DCC: variants seen among roughly 807,000 people sequenced by gnomAD.
DCC encodes the protein DCC netrin 1 receptor.
DCC carries 58 observed loss-of-function variants against 172.5 expected under a neutral mutation model. The ratio of observed to expected loss-of-function variants is 0.34; its 90% CI spans 0.27 to 0.42. DCC has a LOEUF of 0.42. Ranked by LOEUF, DCC falls within the 10% of genes least tolerant of loss-of-function variation. The probability of loss-of-function intolerance (pLI) is 1.00; values close to 1 mark genes in which losing one functional copy is unlikely to be tolerated. For missense variants in DCC, 1,740 were observed against 1,791.0 expected (o/e 0.97, Z 0.51); for synonymous variants, 709 against 644.5 (o/e 1.10, Z -1.52).
chr18:53,002,464 C>A (rs1056347966), intron 5 of DCC, among the ~76,000 whole-genome samples: 2 of 152,024 alleles, frequency 1.3e-5, no homozygotes, highest in African/African-American at 4.8e-5. Context: ...GCTGCACCAC[C>A]TTTTTCTTAT....
At chr18:53,079,513 C>T (rs961583433) in intron 7 of DCC, among the ~76,000 whole-genome samples, 1 of 152,140 alleles carries the variant, frequency 6.6e-6, no homozygotes, top group African/African-American at 2.4e-5. Flanking sequence ...GCACATGAAA[C>T]ATCCTAGAAA....
At chr18:52,901,487 A>G (rs2145438922) in intron 2 of DCC, among the ~76,000 whole-genome samples, 1 of 152,264 alleles carries the variant, frequency 6.6e-6, no homozygotes, top group East Asian at 1.9e-4. Flanking sequence ...AAACATTTGA[A>G]AGAGTTTGGT....
chr18:52,586,715 G>A (rs1284974854), intron 1 of DCC, among the ~76,000 whole-genome samples: 3 of 152,110 alleles, frequency 2.0e-5, no homozygotes, highest in Non-Finnish European at 4.4e-5. Context: ...TCTGGCTATG[G>A]GAGAAACAGG....
intron 7 of DCC, among the ~76,000 whole-genome samples, chr18:53,072,909 A>G (rs1460768138): frequency 6.6e-6 from 1 of 152,166 alleles, no homozygotes; most frequent in Non-Finnish European, 1.5e-5. Flanking sequence ...CCAAGCCTTA[A>G]TATTATATCC....
At chr18:53,288,077 T>TATA (rs2056957305) in intron 12 of DCC, among the ~76,000 whole-genome samples, 1 of 152,108 alleles carries the variant, frequency 6.6e-6, no homozygotes, top group South Asian at 2.1e-4. Context: ...TATTGCCTGA[T>TATA]TTTAAGGTAT....
rs140055590 is a variant in DCC at position 52,522,590 on chromosome 18, C to T, written c.91+181712C>T. Among the ~76,000 whole-genome samples, 52 of 152,112 alleles carry T rather than the reference C, an allele frequency of 3.4e-4. 1 individual carries two copies. In the East Asian group the frequency reaches 8.9e-3, roughly 26 times the overall value. ...TCAAAAGTATCCTATTTTTATTTGC[C>T]GAATTGGCAACCTTTCTCTAAGCCT... On this transcript the variant is annotated intron_variant, in intron 1 of 28. Transcript: ENST00000442544.
intron 5 of DCC, among the ~76,000 whole-genome samples, chr18:52,970,408 T>C (rs72926192): frequency 0.021 from 3,249 of 152,234 alleles, 59 homozygotes; most frequent in Admixed American, 0.039. Flanking sequence ...TCAGATGATA[T>C]GTATTTTTCA....
chr18:53,517,954 G>A (rs1335557090), intron 27 of DCC, among the ~76,000 whole-genome samples: 1 of 152,144 alleles, frequency 6.6e-6, no homozygotes, highest in Admixed American at 6.5e-5. Context: ...TGTTGAAGAT[G>A]AAAGGGTAGA....
At chr18:52,656,423 C>T (rs2035256360) in intron 1 of DCC, among the ~76,000 whole-genome samples, 1 of 152,130 alleles carries the variant, frequency 6.6e-6, no homozygotes, top group Non-Finnish European at 1.5e-5. Context: ...TTGGACTTCC[C>T]AGCTTCCAAA....
intron 3 of DCC, among the ~76,000 whole-genome samples, chr18:52,916,472 T>A (rs565648238): frequency 4.6e-5 from 7 of 152,282 alleles, no homozygotes; most frequent in Admixed American, 4.6e-4. Flanking sequence ...GTGGTGAGAG[T>A]AGCAAATGAG....
Position 53,526,947 on chromosome 18 carries a change from AATT to A in DCC, c.4254+191_4254+193del, listed in dbSNP as rs1248860270. 1.6e-5 allele frequency: 10 copies of A among 630,940 alleles called. No individual in the cohort carries two copies. In the African/African-American group the frequency reaches 1.6e-4, roughly 10 times the overall value. The allele number at this position is 630,940 out of a possible 1,614,324, so 39.1% of individuals were successfully genotyped here. On this transcript the variant is annotated intron_variant, in intron 28 of 28. Coordinates refer to ENST00000442544, the MANE Select transcript of DCC (RefSeq NM_005215.4). ...AGAGGAAATAAAAGCTATGAAAAAA[AATT>A]ATGTCAGAGACTTAGTTATGTAAAA... is the stretch of plus-strand genomic sequence containing the variant.
At chr18:53,454,677 G>A (rs2045461935) in intron 23 of DCC, among the ~76,000 whole-genome samples, 1 of 152,182 alleles carries the variant, frequency 6.6e-6, no homozygotes, top group Admixed American at 6.5e-5. Flanking sequence ...TGGACAGCAA[G>A]TTTTAAAGAT....
rs374129823 is a variant in DCC at position 52,783,323 on chromosome 18, C to CTTTTTTTTT, written c.412+30979_412+30987dup. Reference sequence around the variant, plus strand: ...ACTAAAAATAATTTATACTACTACTCTTTTTTTTTTTTTTTTTTTTTTTTT... The same window carrying CTTTTTTTTT: ...ACTAAAAATAATTTATACTACTACTCTTTTTTTTTTTTTTTTTTTTTTTTTTTTTTTTTT... On this transcript the variant is annotated intron_variant, in intron 2 of 28. Transcript: ENST00000442544. 4.9e-3 allele frequency among the ~76,000 whole-genome samples: 292 copies of CTTTTTTTTT among 59,244 alleles called. 62 individuals are homozygous for CTTTTTTTTT. The highest frequency in any genetic ancestry group is 7.7e-3 in the Admixed American group (32 of 4,180). 38.9% of individuals were successfully genotyped at this position (59,244 alleles called of 152,430 possible).
chr18:53,428,039 A>G (rs1453990773), intron 21 of DCC, among the ~76,000 whole-genome samples: 10 of 64,882 alleles, frequency 1.5e-4, no homozygotes, highest in African/African-American at 5.4e-4. Flanking sequence ...TATATCATAT[A>G]ATAATATATT....
chr18:52,743,721 C>T (rs1454931789), intron 1 of DCC, among the ~76,000 whole-genome samples: 5 of 152,310 alleles, frequency 3.3e-5, no homozygotes, highest in East Asian at 3.9e-4. Flanking sequence ...CTCGGAATGT[C>T]GGATGTGGAG....
chr18:53,153,011 G>T (rs1474497025), intron 7 of DCC, among the ~76,000 whole-genome samples: 1 of 152,210 alleles, frequency 6.6e-6, no homozygotes, highest in African/African-American at 2.4e-5. Flanking sequence ...GCATCTGCCT[G>T]CTTGCCATTG....
chr18:53,334,347 G>C (rs1599034475), intron 14 of DCC, among the ~76,000 whole-genome samples: 5 of 152,066 alleles, frequency 3.3e-5, no homozygotes. Flanking sequence ...GACTTGCCTT[G>C]CCTATAGTAA....
intron 27 of DCC, among the ~76,000 whole-genome samples, chr18:53,508,683 A>G (rs2046214440): frequency 6.6e-6 from 1 of 152,200 alleles, no homozygotes; most frequent in African/African-American, 2.4e-5. Context: ...ACATTAGAAT[A>G]CTTGATAAAT....
intron 15 of DCC, among the ~76,000 whole-genome samples, chr18:53,371,036 G>A (rs888816194): frequency 6.6e-6 from 1 of 151,866 alleles, no homozygotes; most frequent in African/African-American, 2.4e-5. Context: ...TGTTGGCAAA[G>A]TCTTTTAGAA....
Sources: allele counts gnomAD v4.1 joint callset (sites outside exome capture counted in the v4.1 genomes callset), GRCh38; gene constraint gnomAD v4.1.1; transcripts MANE v1.5; gene names NCBI Gene and HGNC (gene_info 2026-07-23, HGNC 2026-07-21).